The following MEF2A variants were observed in gnomAD, a reference collection of about 807,000 sequenced individuals.
MEF2A encodes myocyte enhancer factor 2A.
MEF2A carries 28 observed loss-of-function variants against 55.8 expected under a neutral mutation model. That is an observed-to-expected ratio of 0.50 (90% CI 0.37 to 0.69). MEF2A has a LOEUF of 0.69. Ranked by LOEUF, MEF2A falls within the 30% of genes least tolerant of loss-of-function variation. MEF2A has a pLI of 0.00. For missense variants in MEF2A, 528 were observed against 626.2 expected (o/e 0.84, Z 1.67); for synonymous variants, 239 against 227.1 (o/e 1.05, Z -0.47).
intron 1 of MEF2A, among the ~76,000 whole-genome samples, chr15:99,579,634 G>C (rs1965346239): frequency 6.6e-6 from 1 of 152,176 alleles, no homozygotes; most frequent in African/African-American, 2.4e-5. Flanking sequence ...GGCCTCAAGT[G>C]ATCCACTTGC....
At chr15:99,639,316 A>C (rs2044467568) in intron 3 of MEF2A, among the ~76,000 whole-genome samples, 1 of 152,100 alleles carries the variant, frequency 6.6e-6, no homozygotes, top group Non-Finnish European at 1.5e-5. Flanking sequence ...ATATTTTTTA[A>C]CAGGTATTAT....
At chr15:99,640,179 A>G (rs2044625312) in intron 3 of MEF2A, among the ~76,000 whole-genome samples, 1 of 151,832 alleles carries the variant, frequency 6.6e-6, no homozygotes, top group Non-Finnish European at 1.5e-5. Flanking sequence ...GATAACTCTC[A>G]TTGTTGTGTT....
At chr15:99,625,318 A>G (rs28838709) in intron 2 of MEF2A, among the ~76,000 whole-genome samples, 5,281 of 152,226 alleles carry the variant, frequency 0.035, 328 homozygotes, top group African/African-American at 0.12. Flanking sequence ...TAAATTTATT[A>G]GTTCTACCAT....
chr15:99,626,852 A>G (rs1005762335), intron 2 of MEF2A, among the ~76,000 whole-genome samples: 1 of 152,226 alleles, frequency 6.6e-6, no homozygotes, highest in East Asian at 1.9e-4. Context: ...TCTAACCGAA[A>G]GCGAAGATGA....
intron 8 of MEF2A, among the ~76,000 whole-genome samples, chr15:99,699,244 A>C (rs1333566967): frequency 1.3e-5 from 2 of 152,202 alleles, no homozygotes; most frequent in Non-Finnish European, 2.9e-5. Flanking sequence ...CATATAAAGA[A>C]ATGCTACTCA....
intron 2 of MEF2A, among the ~76,000 whole-genome samples, chr15:99,623,514 A>G (rs1267573286): frequency 1.3e-5 from 2 of 152,166 alleles, no homozygotes; most frequent in African/African-American, 4.8e-5. Context: ...TTACATTCCC[A>G]AGAACAGTGC....
intron 4 of MEF2A, among the ~76,000 whole-genome samples, chr15:99,666,688 A>G (rs2049834639): frequency 6.6e-6 from 1 of 152,042 alleles, no homozygotes; most frequent in Non-Finnish European, 1.5e-5. Flanking sequence ...AATTAATGCT[A>G]GACAACAAAG....
At chr15:99,607,752 A>G (rs1975668366) in intron 2 of MEF2A, among the ~76,000 whole-genome samples, 1 of 152,166 alleles carries the variant, frequency 6.6e-6, no homozygotes, top group Non-Finnish European at 1.5e-5. Flanking sequence ...TTTGTGTCCC[A>G]TGTGAAGACA....
chr15:99,601,808 TGTGTGTGTGTGTG>T (rs1973121146), intron 2 of MEF2A, among the ~76,000 whole-genome samples: 1 of 1,832 alleles, frequency 5.5e-4, no homozygotes, highest in Non-Finnish European at 0.011. Context: ...TTGTCTGTTT[TGTGTGTGTGTGTG>T]TGTGTGTGTG....
intron 1 of MEF2A, among the ~76,000 whole-genome samples, chr15:99,567,627 CTG>C (rs370539645): frequency 0.025 from 3,627 of 143,602 alleles, 52 homozygotes; most frequent in African/African-American, 0.046. Flanking sequence ...TTTGTATGTA[CTG>C]TGTGTGTGTG....
intron 8 of MEF2A, among the ~76,000 whole-genome samples, chr15:99,691,244 T>C (rs1193912316): frequency 1.3e-5 from 2 of 152,066 alleles, no homozygotes; most frequent in Non-Finnish European, 2.9e-5. Flanking sequence ...CGAATGAGTT[T>C]TTAAAAAGTA....
intron 4 of MEF2A, among the ~76,000 whole-genome samples, chr15:99,650,881 G>A (rs2046747846): frequency 1.3e-5 from 2 of 152,184 alleles, no homozygotes; most frequent in Admixed American, 6.5e-5. Context: ...TGCAGCTTTT[G>A]AGATGAAGCC....
chr15:99,667,008 T>C (rs549320027), intron 4 of MEF2A, among the ~76,000 whole-genome samples: 2 of 152,340 alleles, frequency 1.3e-5, no homozygotes, highest in South Asian at 2.1e-4. Context: ...ATACTTGATA[T>C]TATAACGAAT....
At chr15:99,693,064 G>A (rs572802872) in intron 8 of MEF2A, among the ~76,000 whole-genome samples, 21 of 152,128 alleles carry the variant, frequency 1.4e-4, no homozygotes, top group Non-Finnish European at 2.5e-4. Flanking sequence ...ACCCCCAGAG[G>A]GATATGAAGC....
intron 2 of MEF2A, among the ~76,000 whole-genome samples, chr15:99,616,417 T>A (rs2040199720): frequency 6.6e-6 from 1 of 152,202 alleles, no homozygotes; most frequent in Admixed American, 6.5e-5. Context: ...AAATTTCTTC[T>A]GTTTCTTCCT....
At chr15:99,584,705 G>A (rs994412785) in intron 1 of MEF2A, among the ~76,000 whole-genome samples, 4 of 152,156 alleles carry the variant, frequency 2.6e-5, no homozygotes, top group African/African-American at 9.7e-5. Context: ...CATAGGGAAT[G>A]GGGAGTGAGT....
At chr15:99,638,504 A>C (rs1287484907) in intron 3 of MEF2A, among the ~76,000 whole-genome samples, 1 of 151,744 alleles carries the variant, frequency 6.6e-6, no homozygotes, top group Non-Finnish European at 1.5e-5. Flanking sequence ...TCTGTACTTC[A>C]GTTTGAATGT....
At chr15:99,569,173 T>C (rs1961004299) in intron 1 of MEF2A, among the ~76,000 whole-genome samples, 1 of 152,230 alleles carries the variant, frequency 6.6e-6, no homozygotes, top group Admixed American at 6.5e-5. Context: ...AGAGTTGAGA[T>C]ATCTCCTGTA....
Position 99,710,571 on chromosome 15 carries a change from G to A in MEF2A, c.1010-63G>A, listed in dbSNP as rs151031923. 644 of 1,569,554 alleles carry A rather than the reference G, an allele frequency of 4.1e-4. 7 individuals carry two copies. The East Asian group carries it at 0.013, about 32-fold the overall frequency. ...ATGTAGGAACTTTTGCAGTAGCTAC[G>A]TAAAAAATAGATTCCGTATGGACCT... is the stretch of plus-strand genomic sequence containing the variant. On this transcript the variant is annotated intron_variant, in intron 10 of 11. Coordinates refer to ENST00000557942, the MANE Select transcript of MEF2A (RefSeq NM_001319206.4).
Sources: gnomAD v4.1 joint callset for allele counts (sites outside exome capture counted in the v4.1 genomes callset) on GRCh38, gnomAD v4.1.1 for gene constraint, MANE v1.5 for transcripts, NCBI Gene and HGNC (gene_info 2026-07-23, HGNC 2026-07-21) for gene names.